The following SORCS2 variants were observed in gnomAD, a reference collection of about 807,000 sequenced individuals.
SORCS2 encodes the protein sortilin related VPS10 domain containing receptor 2, also known as VPS10 domain-containing receptor SorCS2.
A neutral mutation model predicts 141.6 loss-of-function variants in SORCS2; 100 were observed. The ratio of observed to expected loss-of-function variants is 0.71; its 90% CI spans 0.60 to 0.83. The LOEUF (loss-of-function observed/expected upper bound fraction) is 0.83, where lower values mean the gene tolerates loss of function less well. SORCS2 is among the 40% of genes least tolerant of loss of function. The probability of loss-of-function intolerance (pLI) is 0.00; values close to 1 mark genes in which losing one functional copy is unlikely to be tolerated. For synonymous variants in SORCS2, 789 were observed against 676.9 expected (o/e 1.17, Z -2.57); for missense variants, 1,646 against 1,560.2 (o/e 1.05, Z -0.93).
chr4:7,356,344 C>T (rs1157358699), intron 1 of SORCS2, among the ~76,000 whole-genome samples: 2 of 152,206 alleles, frequency 1.3e-5, no homozygotes, highest in African/African-American at 2.4e-5. Context: ...CAACAACAGA[C>T]ATATGTTTGG....
intron 1 of SORCS2, among the ~76,000 whole-genome samples, chr4:7,393,268 G>A (rs1723981550): frequency 6.6e-6 from 1 of 152,158 alleles, no homozygotes; most frequent in Non-Finnish European, 1.5e-5. Context: ...CCTTGGCAAT[G>A]GCCGGAGCTG....
At chr4:7,274,697 G>T (rs145522501) in intron 1 of SORCS2, among the ~76,000 whole-genome samples, 20 of 152,342 alleles carry the variant, frequency 1.3e-4, no homozygotes, top group Non-Finnish European at 2.6e-4. Context: ...TGAGATTTGG[G>T]TGGGGACACA....
At chr4:7,513,244 G>C (rs1018024875) in intron 2 of SORCS2, among the ~76,000 whole-genome samples, 9 of 152,240 alleles carry the variant, frequency 5.9e-5, no homozygotes, top group African/African-American at 2.2e-4. Context: ...ACAGGTGTCA[G>C]TTACACATTA....
intron 1 of SORCS2, among the ~76,000 whole-genome samples, chr4:7,243,316 C>G (rs1712839629): frequency 6.6e-6 from 1 of 152,138 alleles, no homozygotes; most frequent in Non-Finnish European, 1.5e-5. Context: ...CTCCTCCCTG[C>G]TAGGCTAAGC....
intron 3 of SORCS2, among the ~76,000 whole-genome samples, chr4:7,558,676 C>T (rs1197190462): frequency 6.6e-6 from 1 of 152,202 alleles, no homozygotes; most frequent in Non-Finnish European, 1.5e-5. Context: ...ACGCCCTGCA[C>T]CGCTATCCTG....
At chr4:7,316,285 T>G (rs1577390614) in intron 1 of SORCS2, among the ~76,000 whole-genome samples, 1 of 152,214 alleles carries the variant, frequency 6.6e-6, no homozygotes, top group South Asian at 2.1e-4. Context: ...CTTCCATTCA[T>G]GTATCCATCC....
At chr4:7,560,213 G>T (rs1015973963) in intron 3 of SORCS2, among the ~76,000 whole-genome samples, 3 of 152,132 alleles carry the variant, frequency 2.0e-5, no homozygotes, top group Non-Finnish European at 4.4e-5. Context: ...AGGTGGCTGG[G>T]GCCAGGAAGC....
intron 3 of SORCS2, among the ~76,000 whole-genome samples, chr4:7,614,339 A>T (rs893141244): frequency 6.9e-6 from 1 of 145,746 alleles, no homozygotes; most frequent in African/African-American, 2.6e-5. Context: ...CCTCTCATCT[A>T]CTGTTCATCC....
chr4:7,218,122 A>G (rs1227974288), intron 1 of SORCS2, among the ~76,000 whole-genome samples: 4 of 152,126 alleles, frequency 2.6e-5, no homozygotes, highest in African/African-American at 9.7e-5. Context: ...CCTGAAGCCA[A>G]AGTTTATCTT....
chr4:7,330,475 C>T (rs1438477085), intron 1 of SORCS2, among the ~76,000 whole-genome samples: 1 of 151,730 alleles, frequency 6.6e-6, no homozygotes, highest in East Asian at 2.0e-4. Flanking sequence ...ACACCCCTGA[C>T]GTCCAAGTCC....
At chr4:7,559,378 C>A (rs1217327014) in intron 3 of SORCS2, among the ~76,000 whole-genome samples, 1 of 152,196 alleles carries the variant, frequency 6.6e-6, no homozygotes, top group East Asian at 1.9e-4. Flanking sequence ...CCGATGGTGA[C>A]ATGGGCACAC....
chr4:7,669,388 G>C (rs1722671059), intron 8 of SORCS2, among the ~76,000 whole-genome samples: 1 of 152,204 alleles, frequency 6.6e-6, no homozygotes, highest in African/African-American at 2.4e-5. Context: ...CTGGGCTGCT[G>C]TCAGGAGAAT....
intron 9 of SORCS2, among the ~76,000 whole-genome samples, chr4:7,677,991 A>G (rs12504697): frequency 0.37 from 56,643 of 151,790 alleles, 10,974 homozygotes; most frequent in Middle Eastern, 0.42. Context: ...GTGGGGTGGG[A>G]CTCCACGGCC....
chr4:7,333,120 C>T (rs779854396), intron 1 of SORCS2, among the ~76,000 whole-genome samples: 11 of 152,188 alleles, frequency 7.2e-5, no homozygotes, highest in South Asian at 2.1e-4. Flanking sequence ...GCGGTGTGGC[C>T]GTGCAGGCAG....
chr4:7,534,399 G>A (rs925049274), intron 3 of SORCS2, among the ~76,000 whole-genome samples: 4 of 152,234 alleles, frequency 2.6e-5, no homozygotes, highest in Admixed American at 1.3e-4. Flanking sequence ...GGCTTGACAG[G>A]TGAGTGCCTG....
chr4:7,382,733 G>A (rs2109073152), intron 1 of SORCS2, among the ~76,000 whole-genome samples: 1 of 151,970 alleles, frequency 6.6e-6, no homozygotes, highest in Admixed American at 6.6e-5. Context: ...GGAGGGGATG[G>A]TCTGCAGGTC....
Position 7,259,654 on chromosome 4 carries a change from G to T in SORCS2, c.480+66528G>T, listed in dbSNP as rs150011331. Among the ~76,000 whole-genome samples, 218 of 152,232 alleles carry T rather than the reference G, an allele frequency of 1.4e-3. 1 individual carries two copies. The highest frequency in any genetic ancestry group is 4.9e-3 in the African/African-American group (205 of 41,536). On this transcript the variant is annotated intron_variant, in intron 1 of 26. Transcript: ENST00000507866. ...GTACCCGCCTCCCCTCCTGCCTCCC[G>T]CCCTACCTTGGCTGTGCCCGAGGAG... is the stretch of plus-strand genomic sequence containing the variant.
intron 2 of SORCS2, among the ~76,000 whole-genome samples, chr4:7,490,941 G>C (rs990635888): frequency 1.3e-5 from 2 of 152,126 alleles, no homozygotes; most frequent in African/African-American, 2.4e-5. Flanking sequence ...CGTGGCAAAG[G>C]CTCCACAAAG....
intron 2 of SORCS2, among the ~76,000 whole-genome samples, chr4:7,483,516 G>T (rs1245833281): frequency 1.3e-5 from 2 of 152,020 alleles, no homozygotes; most frequent in Non-Finnish European, 2.9e-5. Flanking sequence ...CTCGATTTGG[G>T]ACTTCCATCT....
Sources: gnomAD v4.1 joint callset for allele counts (sites outside exome capture counted in the v4.1 genomes callset) on GRCh38, gnomAD v4.1.1 for gene constraint, MANE v1.5 for transcripts, NCBI Gene and HGNC (gene_info 2026-07-23, HGNC 2026-07-21) for gene names.